PURG: variants seen among roughly 807,000 people sequenced by gnomAD.
The protein encoded by PURG is purine rich element binding protein G, also known as purine-rich element-binding protein gamma.
A neutral mutation model predicts 24.3 loss-of-function variants in PURG; 3 were observed. The observed-to-expected ratio is 0.12, with a 90% confidence interval of 0.06 to 0.32. PURG has a LOEUF of 0.32. Ranked by LOEUF, PURG falls within the 10% of genes least tolerant of loss-of-function variation. PURG has a pLI of 1.00. For synonymous variants in PURG, 180 were observed against 173.1 expected (o/e 1.04, Z -0.31); for missense variants, 371 against 439.1 (o/e 0.84, Z 1.39).
downstream of PURG, among the ~76,000 whole-genome samples, chr8:31,027,792 T>A (rs985371811): frequency 1.8e-4 from 28 of 151,872 alleles, no homozygotes; most frequent in African/African-American, 6.7e-4. Context: ...AGTTTTCAAA[T>A]GTACATCTTA....
intron 1 of PURG, among the ~76,000 whole-genome samples, chr8:31,011,138 G>T (rs1266559386): frequency 2.0e-5 from 3 of 152,210 alleles, no homozygotes; most frequent in African/African-American, 7.2e-5. Flanking sequence ...AAAAGAATTT[G>T]TGAATATACT....
In PURG at chr8:31,032,426, T is replaced by G; in HGVS notation, c.357A>C (p.Leu119=). 6.2e-7 allele frequency: 1 copy of G among 1,614,134 alleles called. No individual in the cohort carries two copies. Reference sequence around the variant, plus strand: ...GGGCATAGTGCTCGATGAAGTCCCCTAGACAGTCCTTCAGCTCCGCTGCCA... The same window carrying G: ...GGGCATAGTGCTCGATGAAGTCCCCGAGACAGTCCTTCAGCTCCGCTGCCA... ...LSVAAELKDC[L]GDFIEHYAHL... The change falls in exon 2 of 2, where the codon CTA becomes CTC. Residue 119 remains leucine (L), a synonymous_variant. Coordinates refer to ENST00000523392, the MANE Select transcript of PURG (RefSeq NM_001323311.2). This position sits in a 1 kb window ranked among gnomAD's most constrained non-coding sequence, Gnocchi z 5.9.
chr8:31,011,103 T>C (rs1273042901), intron 1 of PURG, among the ~76,000 whole-genome samples: 3 of 152,226 alleles, frequency 2.0e-5, no homozygotes. Context: ...TGATGGATTT[T>C]TGTCAATCCA....
chr8:31,033,329 A>T lies in PURG; in HGVS notation c.-258T>A, dbSNP rs1246409972. The T allele has an allele frequency of 6.4e-6, 1 of 155,098 alleles. No individual in the cohort carries two copies. The highest frequency in any genetic ancestry group is 1.4e-5 in the Non-Finnish European group (1 of 71,244). The allele number at this position is 155,098 out of a possible 1,614,324, so 9.6% of individuals were successfully genotyped here. ...TTCGGACACCGGCCCCGCACCCGCC[A>T]GGAGGGGAGGGAAGGGGAGGCGGGG... On this transcript the variant is annotated 5_prime_UTR_variant, in exon 1 of 2. Transcript: ENST00000523392.
chr8:31,009,690 T>C (rs765665462), intron 1 of PURG, among the ~76,000 whole-genome samples: 2 of 152,208 alleles, frequency 1.3e-5, no homozygotes, highest in African/African-American at 2.4e-5. Context: ...TGATTAAATT[T>C]TGCATGCACA....
At chr8:30,997,659 C>G (rs1279989098) in intron 1 of PURG, among the ~76,000 whole-genome samples, 2 of 151,422 alleles carry the variant, frequency 1.3e-5, no homozygotes, top group Non-Finnish European at 3.0e-5. Flanking sequence ...TGTACTGCCC[C>G]TCAAGCAAAA....
chr8:31,011,577 A>G (rs1357378150), intron 1 of PURG, among the ~76,000 whole-genome samples: 2 of 152,230 alleles, frequency 1.3e-5, no homozygotes, highest in African/African-American at 2.4e-5. Flanking sequence ...ATAGCATTTT[A>G]TACTAGATAG....
chr8:31,009,178 A>G (rs1382603837), intron 1 of PURG, among the ~76,000 whole-genome samples: 1 of 152,202 alleles, frequency 6.6e-6, no homozygotes, highest in Non-Finnish European at 1.5e-5. Context: ...TAATCCCAGC[A>G]CTTTGGGAGG....
intron 1 of PURG, among the ~76,000 whole-genome samples, chr8:31,020,069 G>T (rs1486975633): frequency 6.6e-6 from 1 of 152,082 alleles, no homozygotes; most frequent in African/African-American, 2.4e-5. Context: ...TACTCGGGAG[G>T]CTGAGGCTGG....
chr8:31,016,346 C>A (rs1810863371), intron 1 of PURG, among the ~76,000 whole-genome samples: 1 of 151,374 alleles, frequency 6.6e-6, no homozygotes, highest in Non-Finnish European at 1.5e-5. Flanking sequence ...CACCACTGCA[C>A]CCCAGCCTGG....
rs141421913 is a variant in PURG at position 31,032,496 on chromosome 8, C to T, written c.287G>A (p.Arg96Gln). Reference sequence around the variant, plus strand: ...TTTACTCTTTCTGATGTTGTCCTGCCGGCCTCTCCCTATCCAGACTTCGGC... The same window carrying T: ...TTTACTCTTTCTGATGTTGTCCTGCTGGCCTCTCCCTATCCAGACTTCGGC... ...KIAEVWIGRG[R>Q]QDNIRKSKLT... The change falls in exon 2 of 2, where the codon CGG (arginine) becomes CAG (glutamine). Residue 96 changes from arginine to glutamine, a missense_variant. Physicochemically the swap from Arg to Gln is conservative, Grantham distance 43. Coordinates refer to ENST00000523392, the MANE Select transcript of PURG (RefSeq NM_001323311.2). This position sits in a 1 kb window ranked among gnomAD's most constrained non-coding sequence, Gnocchi z 5.9. 1.9e-5 allele frequency: 30 copies of T among 1,614,108 alleles called. No individual in the cohort carries two copies. Among genetic ancestry groups the T allele is most frequent in the Non-Finnish European group, 2.5e-5 (30 of 1,180,052 alleles).
chr8:31,017,635 A>G (rs1810901690), intron 1 of PURG, among the ~76,000 whole-genome samples: 1 of 152,188 alleles, frequency 6.6e-6, no homozygotes. Flanking sequence ...GATTAGAAGA[A>G]GTGACAAGAA....
Position 31,032,860 on chromosome 8 carries a change from G to C in PURG, c.-6-72C>G, listed in dbSNP as rs1380461197. On this transcript the variant is annotated intron_variant, in intron 1 of 1. Transcript: ENST00000523392. The surrounding 1 kb of genome is among the most constrained non-coding windows in gnomAD (Gnocchi z 5.9). ...TGAGAACAATCGCAGACGCCCCTCG[G>C]CCTGACCGCCCCGCCGCCGCCCGCG... 1 of 1,150,746 alleles carries C rather than the reference G, an allele frequency of 8.7e-7. No individual in the cohort carries two copies. Among genetic ancestry groups the C allele is most frequent in the African/African-American group, 1.6e-5 (1 of 62,532 alleles). 71.3% of individuals were successfully genotyped at this position (1,150,746 alleles called of 1,614,324 possible). A position where few individuals can be genotyped will look rare whatever the true frequency, so the allele number is the denominator to read the frequency against.
intron 1 of PURG, among the ~76,000 whole-genome samples, chr8:31,001,848 T>C (rs921903959): frequency 6.6e-6 from 1 of 152,180 alleles, no homozygotes; most frequent in Non-Finnish European, 1.5e-5. Flanking sequence ...AGTATTACTC[T>C]TGAATAGGGT....
chr8:31,018,685 T>C (rs1810919774), intron 1 of PURG, among the ~76,000 whole-genome samples: 1 of 152,178 alleles, frequency 6.6e-6, no homozygotes, highest in Non-Finnish European at 1.5e-5. Flanking sequence ...AATTAGGAAC[T>C]CATTCAGTGT....
chr8:31,014,698 C>T (rs1331590043), intron 1 of PURG, among the ~76,000 whole-genome samples: 1 of 152,190 alleles, frequency 6.6e-6, no homozygotes, highest in African/African-American at 2.4e-5. Context: ...AACTTCCAAT[C>T]TACTACTTAC....
downstream of PURG, among the ~76,000 whole-genome samples, chr8:31,027,805 A>C (rs1406208204): frequency 6.6e-6 from 1 of 151,716 alleles, no homozygotes; most frequent in Non-Finnish European, 1.5e-5. Flanking sequence ...ACATCTTAAG[A>C]AGCTTTTAAG....
rs549333668 is a variant in PURG, at chr8:31,013,150, G to A, written c.865-16453C>T. Among the ~76,000 whole-genome samples the A allele has an allele frequency of 2.6e-4, 39 of 152,262 alleles. No individual in the cohort carries two copies. The South Asian group carries it at 6.4e-3, about 25-fold the overall frequency. On this transcript the variant is annotated intron_variant, in intron 1 of 1. Coordinates refer to the PURG transcript ENST00000339382. ...TTAACAGAGGGCACTGCTTGAATTA[G>A]AGCTTGGTATGTCATTAAATATAAT...
chr8:31,010,633 G>A (rs1365409006), intron 1 of PURG, among the ~76,000 whole-genome samples: 1 of 152,300 alleles, frequency 6.6e-6, no homozygotes, highest in East Asian at 1.9e-4. Flanking sequence ...TCAATGAGCA[G>A]TGGGCTTGTT....
Sources: gnomAD v4.1 joint callset for allele counts (sites outside exome capture counted in the v4.1 genomes callset) on GRCh38, gnomAD v4.1.1 for gene constraint, Gnocchi (gnomAD v3.1) non-coding constraint, MANE v1.5 for transcripts, NCBI Gene and HGNC (gene_info 2026-07-23, HGNC 2026-07-21) for gene names.